The following LEPR variants were observed in gnomAD, a reference collection of about 807,000 sequenced individuals.
LEPR encodes the protein OB receptor.
In LEPR, 56 loss-of-function variants were observed where a neutral mutation model predicts 114.7. The ratio of observed to expected loss-of-function variants is 0.49; its 90% CI spans 0.39 to 0.61. The LOEUF is 0.61. LEPR is among the 20% of genes least tolerant of loss of function. LEPR has a pLI of 0.00. For synonymous variants in LEPR, 443 were observed against 461.4 expected (o/e 0.96, Z 0.51); for missense variants, 1,202 against 1,352.9 (o/e 0.89, Z 1.75).
At chr1:65,456,580 A>G (rs1342698536) in intron 2 of LEPR, among the ~76,000 whole-genome samples, 1 of 152,146 alleles carries the variant, frequency 6.6e-6, no homozygotes, top group Non-Finnish European at 1.5e-5. Flanking sequence ...TTTGTCCCTG[A>G]TAACTATTTT....
At chr1:65,476,583 T>C (rs17412403) in intron 2 of LEPR, among the ~76,000 whole-genome samples, 49,143 of 151,970 alleles carry the variant, frequency 0.32, 10,158 homozygotes, top group Non-Finnish European at 0.46. Flanking sequence ...CCACATCCTT[T>C]ACCCATTTCT....
chr1:65,634,100 A>G, intron 19 of LEPR: 1 of 985,350 alleles, frequency 1.0e-6, no homozygotes, highest in South Asian at 4.7e-5. Flanking sequence ...TTCTACTTTC[A>G]GACAGACTGC....
chr1:65,425,155 G>C, intron 1 of LEPR, 148 bp from the exon 2 acceptor site: 1 of 640,362 alleles, frequency 1.6e-6, no homozygotes, highest in Non-Finnish European at 2.7e-6. Context: ...AGGTTATGCA[G>C]CCATCACTAC....
chr1:65,423,281 C>A (rs1378162975), intron 1 of LEPR, among the ~76,000 whole-genome samples: 1 of 151,972 alleles, frequency 6.6e-6, no homozygotes, highest in African/African-American at 2.4e-5. Context: ...AAGTTTTCAG[C>A]AGGAGTGCGT....
intron 1 of LEPR, 127 bp from the exon 2 acceptor site, chr1:65,425,176 C>A (rs940484961): frequency 4.1e-6 from 3 of 723,504 alleles, no homozygotes; most frequent in Non-Finnish European, 4.8e-6. Context: ...TATCTAATTC[C>A]AGAAAATTTA....
intron 5 of LEPR, among the ~76,000 whole-genome samples, chr1:65,583,302 A>C (rs1655112480): frequency 6.6e-6 from 1 of 152,206 alleles, no homozygotes; most frequent in Non-Finnish European, 1.5e-5. Flanking sequence ...CAGTGGGGCC[A>C]CTTTAACTCT....
At chr1:65,625,375 C>T (rs972796798) in intron 19 of LEPR, among the ~76,000 whole-genome samples, 5 of 152,070 alleles carry the variant, frequency 3.3e-5, no homozygotes, top group African/African-American at 9.7e-5. Context: ...TACCCTATAC[C>T]AGTCACTATA....
intron 2 of LEPR, among the ~76,000 whole-genome samples, chr1:65,502,904 G>A (rs1228701712): frequency 6.6e-6 from 1 of 151,478 alleles, no homozygotes; most frequent in Non-Finnish European, 1.5e-5. Flanking sequence ...GGAGCTACTG[G>A]GGACTAACTT....
At chr1:65,546,372 GCA>G in intron 2 of LEPR, among the ~76,000 whole-genome samples, 1 of 152,152 alleles carries the variant, frequency 6.6e-6, no homozygotes, top group South Asian at 2.1e-4. Context: ...GATGCGGATG[GCA>G]TTGAATCTAT....
chr1:65,536,023 A>G (rs1650751464), intron 2 of LEPR, among the ~76,000 whole-genome samples: 1 of 152,170 alleles, frequency 6.6e-6, no homozygotes, highest in African/African-American at 2.4e-5. Flanking sequence ...CTAAGACAGC[A>G]TGGATTTTTA....
Position 65,426,562 on chromosome 1 carries a change from G to T in LEPR, c.-21+1184G>T, listed in dbSNP as rs112789636. On this transcript the variant is annotated intron_variant, in intron 2 of 19. Coordinates refer to ENST00000349533, the MANE Select transcript of LEPR (RefSeq NM_002303.6). The stretch of plus-strand genomic sequence containing the variant: ...ATAAATCAAGCAAAATTGAGGGCTG[G>T]GGCAGTAGGAATGGAAAGAAAAGGA... Among the ~76,000 whole-genome samples the T allele has an allele frequency of 2.4e-3, 365 of 151,642 alleles. 1 individual carries two copies. The highest frequency in any genetic ancestry group is 8.0e-3 in the African/African-American group (331 of 41,490).
intron 8 of LEPR, 75 bp downstream of exon 8, chr1:65,598,879 C>A: frequency 6.2e-7 from 1 of 1,601,198 alleles, no homozygotes; most frequent in South Asian, 1.1e-5. Flanking sequence ...GTATAAGCAT[C>A]TTACATTTTG....
At chr1:65,545,592 A>G (rs369000530) in intron 2 of LEPR, among the ~76,000 whole-genome samples, 1,178 of 129,326 alleles carry the variant, frequency 9.1e-3, no homozygotes, top group African/African-American at 0.029. Flanking sequence ...TCTTTTGGCT[A>G]CATAAATGTC....
chr1:65,449,260 CTTT>C (rs201429452), intron 2 of LEPR, among the ~76,000 whole-genome samples: 2 of 118,520 alleles, frequency 1.7e-5, no homozygotes, highest in Non-Finnish European at 3.6e-5. Flanking sequence ...TTTTATTTAT[CTTT>C]TTTTTTTTTT....
intron 2 of LEPR, among the ~76,000 whole-genome samples, chr1:65,517,434 C>T (rs1240611183): frequency 6.6e-6 from 1 of 152,194 alleles, no homozygotes; most frequent in East Asian, 1.9e-4. Context: ...AATAAGTTAT[C>T]TCTGATCTCT....
At chr1:65,518,873 T>TTCTTTCTTTCTTTCTTTCTTTCTTTC (rs763024512) in intron 2 of LEPR, among the ~76,000 whole-genome samples, 2 of 117,216 alleles carry the variant, frequency 1.7e-5, no homozygotes, top group African/African-American at 6.9e-5. Context: ...CTTTCTTTCT[T>TTCTTTCTTTCTTTCTTTCTTTCTTTC]TTTCTTTCTT....
intron 2 of LEPR, chr1:65,525,776 G>A: frequency 1.0e-6 from 1 of 986,156 alleles, no homozygotes; most frequent in Non-Finnish European, 1.2e-6. Flanking sequence ...CCCCGGCGCC[G>A]CCGCCATCTC....
chr1:65,602,725 A>G (rs1656525098), intron 10 of LEPR, among the ~76,000 whole-genome samples: 1 of 152,162 alleles, frequency 6.6e-6, no homozygotes, highest in Admixed American at 6.5e-5. Context: ...TTCTTAAAAT[A>G]TAAATTTTCA....
intron 2 of LEPR, among the ~76,000 whole-genome samples, chr1:65,519,915 A>G (rs1649545000): frequency 6.6e-6 from 1 of 151,336 alleles, no homozygotes; most frequent in Non-Finnish European, 1.5e-5. Context: ...CCCAGGCTGG[A>G]GTGAGTGGCA....
Sources: gnomAD v4.1 joint callset for allele counts (sites outside exome capture counted in the v4.1 genomes callset) on GRCh38, gnomAD v4.1.1 for gene constraint, MANE v1.5 for transcripts, NCBI Gene and HGNC (gene_info 2026-07-23, HGNC 2026-07-21) for gene names.